Variants in ZNF385C observed in about 807,000 individuals in gnomAD.
ZNF385C encodes the protein zinc finger protein 385C.
In ZNF385C, 28 loss-of-function variants were observed where a neutral mutation model predicts 35.4. The observed-to-expected ratio is 0.79, with a 90% CI of 0.59 to 1.08. The LOEUF (loss-of-function observed/expected upper bound fraction) is 1.08, where lower values mean the gene tolerates loss of function less well. Ranked by LOEUF, ZNF385C falls within the 50% of genes least tolerant of loss-of-function variation. The probability of loss-of-function intolerance (pLI) is 0.00; values close to 1 mark genes in which losing one functional copy is unlikely to be tolerated. For missense variants in ZNF385C, 605 were observed against 595.6 expected (o/e 1.02, Z -0.16); for synonymous variants, 248 against 248.2 (o/e 1.00, Z 0.01).
chr17:42,039,913 A>G, intron 2 of ZNF385C: 1 of 1,231,118 alleles, frequency 8.1e-7, no homozygotes, highest in African/African-American at 1.6e-5. Flanking sequence ...GCCCGCGGGC[A>G]GCGCCAAAGC....
At chr17:42,054,889 C>T (rs537557923) in intron 2 of ZNF385C, among the ~76,000 whole-genome samples, 10 of 152,212 alleles carry the variant, frequency 6.6e-5, no homozygotes, top group Admixed American at 2.0e-4. Flanking sequence ...GCCTGATCCA[C>T]TACAACTCCT....
chr17:42,054,156 T>C (rs1304026539), intron 2 of ZNF385C, among the ~76,000 whole-genome samples: 1 of 152,128 alleles, frequency 6.6e-6, no homozygotes, highest in Non-Finnish European at 1.5e-5. Flanking sequence ...TCGGGGAGCA[T>C]CCCTCACCCC....
chr17:42,040,673 A>G, intron 2 of ZNF385C: 4 of 1,232,332 alleles, frequency 3.2e-6, no homozygotes, highest in Non-Finnish European at 4.0e-6. Context: ...AGGGAGGCCC[A>G]GGGCACTGGC....
Position 42,071,674 on chromosome 17 carries a change from T to A in ZNF385C, c.-2-8616A>T, listed in dbSNP as rs972968550. 3.3e-5 allele frequency among the ~76,000 whole-genome samples: 5 copies of A among 152,300 alleles called. No individual in the cohort carries two copies. In the East Asian group the frequency reaches 9.7e-4, roughly 29 times the overall value. ...GCAAAGCCCAGGAAATCTGACCTATTGCCCTGTTCACACTCAGCAGGCAGA... is the reference window on the plus strand; with the variant it reads ...GCAAAGCCCAGGAAATCTGACCTATAGCCCTGTTCACACTCAGCAGGCAGA... On this transcript the variant is annotated intron_variant, in intron 1 of 8. Transcript: ENST00000692273.
At chr17:42,027,490 C>T in intron 8 of ZNF385C, 128 bp downstream of exon 8, 1 of 816,144 alleles carries the variant, frequency 1.2e-6, no homozygotes, top group Non-Finnish European at 1.9e-6. Context: ...CTAGCTCTGT[C>T]ACTGCCCAGC....
Position 42,062,809 on chromosome 17 carries a change from G to T in ZNF385C, c.248C>A (p.Pro83Gln). 1.7e-6 allele frequency: 1 copy of T among 600,438 alleles called. No individual in the cohort carries two copies. The highest frequency in any genetic ancestry group is 3.0e-6 in the Non-Finnish European group (1 of 336,844). The allele number at this position is 600,438 out of a possible 1,614,324, so 37.2% of individuals were successfully genotyped here. ...QLSLGKSPSGPAGPASGAPSP... is the reference protein window; with the variant it reads ...QLSLGKSPSGQAGPASGAPSP... The stretch of plus-strand genomic sequence containing the variant: ...AGCAGCGTCCCCTCTACACTGACCT[G>T]GCCCTGAGGGGCTCTTCCCCAAGCT... Residue 83 changes from proline to glutamine, a missense_variant and splice_region_variant, in exon 2 of 9, where the codon CCA (proline) becomes CAA (glutamine). By Grantham distance (76) the Pro-to-Gln change is moderately conservative. Transcript: ENST00000692273.
Position 42,050,984 on chromosome 17 carries a change from C to A in ZNF385C, c.250+11823G>T, listed in dbSNP as rs782290243. On this transcript the variant is annotated intron_variant, in intron 2 of 8. Transcript: ENST00000692273. This position sits in a 1 kb window ranked among gnomAD's most constrained non-coding sequence, Gnocchi z 5.6. ...CAAGTGCTTTGGGATCACGAAGGAGCGGGCGACCAGCTGAAGGTCTGCAGG... is the reference window on the plus strand; with the variant it reads ...CAAGTGCTTTGGGATCACGAAGGAGAGGGCGACCAGCTGAAGGTCTGCAGG... Among the ~76,000 whole-genome samples the A allele has an allele frequency of 3.5e-4, 53 of 152,120 alleles. No individual in the cohort carries two copies. The highest frequency in any genetic ancestry group is 2.1e-4 in the South Asian group (1 of 4,832).
At chr17:42,088,794 G>A (rs945387009) in intron 1 of ZNF385C, among the ~76,000 whole-genome samples, 8 of 152,126 alleles carry the variant, frequency 5.3e-5, no homozygotes, top group Non-Finnish European at 8.8e-5. Flanking sequence ...GGAGGGCTGC[G>A]GTGGGATCCT....
chr17:42,047,594 G>T (rs112706339), intron 2 of ZNF385C, among the ~76,000 whole-genome samples: 30 of 152,250 alleles, frequency 2.0e-4, no homozygotes, highest in African/African-American at 6.7e-4. Flanking sequence ...TTCCAGGGCC[G>T]GCTGGTTTGG....
intron 1 of ZNF385C, among the ~76,000 whole-genome samples, chr17:42,097,275 C>T (rs1555661044): frequency 6.6e-6 from 1 of 152,146 alleles, no homozygotes; most frequent in Non-Finnish European, 1.5e-5. Context: ...CTCTAACTGA[C>T]CCCAAAGCCC....
chr17:42,034,327 C>A lies in ZNF385C; in HGVS notation c.408G>T (p.Pro136=). 3 of 1,550,320 alleles carry A rather than the reference C, an allele frequency of 1.9e-6. No individual in the cohort carries two copies. The highest frequency in any genetic ancestry group is 2.6e-6 in the Non-Finnish European group (3 of 1,146,876). Residue 136 remains proline (P), a synonymous_variant, in exon 4 of 9, where the codon CCG becomes CCT. Transcript: ENST00000692273. The part of the protein sequence containing the change: ...SLFPNFSTMD[P]VQKAVISHTF... The stretch of plus-strand genomic sequence containing the variant: ...TGTGGCTGATGACAGCTTTCTGGAC[C>A]GGGTCCATCTGTGAAGGGAGTGGGA...
chr17:42,046,746 GATAAA>G (rs1435649158), intron 2 of ZNF385C, among the ~76,000 whole-genome samples: 3 of 151,568 alleles, frequency 2.0e-5, no homozygotes, highest in Admixed American at 6.6e-5. Flanking sequence ...AACATTTAAA[GATAAA>G]ATAAAAATAG....
intron 4 of ZNF385C, among the ~76,000 whole-genome samples, chr17:42,033,432 C>T (rs2052774958): frequency 6.6e-6 from 1 of 152,206 alleles, no homozygotes; most frequent in Admixed American, 6.5e-5. Flanking sequence ...GGCTCACTTT[C>T]CTCATCTGAA....
At chr17:42,091,639 C>T (rs1250754014) in intron 1 of ZNF385C, among the ~76,000 whole-genome samples, 1 of 152,210 alleles carries the variant, frequency 6.6e-6, no homozygotes, top group Non-Finnish European at 1.5e-5. Flanking sequence ...CTGATCCCCC[C>T]TCTGGCCTCT....
intron 2 of ZNF385C, among the ~76,000 whole-genome samples, chr17:42,044,140 TAAAAAAAA>T (rs35206698): frequency 4.8e-5 from 4 of 83,596 alleles, no homozygotes; most frequent in African/African-American, 1.9e-4. Flanking sequence ...ACCCCATCTC[TAAAAAAAA>T]AAAAAAAAAA....
At chr17:42,060,669 A>C (rs1443685891) in intron 2 of ZNF385C, among the ~76,000 whole-genome samples, 2 of 152,058 alleles carry the variant, frequency 1.3e-5, no homozygotes, top group African/African-American at 2.4e-5. Context: ...ATCCACGATC[A>C]ATGTCACTTC....
At chr17:42,083,757 C>T (rs1204967226) in intron 1 of ZNF385C, among the ~76,000 whole-genome samples, 7 of 103,218 alleles carry the variant, frequency 6.8e-5, no homozygotes, top group Middle Eastern at 0.014. Flanking sequence ...CTCACTCTGT[C>T]GCCCAGGCTG....
chr17:42,048,319 G>C (rs1555656823), intron 2 of ZNF385C, among the ~76,000 whole-genome samples: 1 of 150,332 alleles, frequency 6.7e-6, no homozygotes. Context: ...TGGGAGGACT[G>C]CTTGAGCCCA....
intron 1 of ZNF385C, among the ~76,000 whole-genome samples, chr17:42,066,612 TG>T (rs2053550237): frequency 6.6e-6 from 1 of 152,176 alleles, no homozygotes; most frequent in African/African-American, 2.4e-5. Flanking sequence ...TGATATTGGT[TG>T]AATTATGTCC....
Sources: gnomAD v4.1 joint callset for allele counts (sites outside exome capture counted in the v4.1 genomes callset) on GRCh38, gnomAD v4.1.1 for gene constraint, Gnocchi (gnomAD v3.1) non-coding constraint, MANE v1.5 for transcripts, NCBI Gene and HGNC (gene_info 2026-07-23, HGNC 2026-07-21) for gene names.